FHIT: variants seen among roughly 807,000 people sequenced by gnomAD.
FHIT encodes the protein fragile histidine triad diadenosine triphosphatase, also known as bis(5'-adenosyl)-triphosphatase.
A neutral mutation model predicts 17.9 loss-of-function variants in FHIT; 19 were observed. That is an observed-to-expected ratio of 1.06 (90% CI 0.74 to 1.56). The LOEUF is 1.56. Ranked by LOEUF, FHIT falls within the 40% of genes most tolerant of loss-of-function variation. The pLI is 0.00. For synonymous variants in FHIT, 81 were observed against 69.7 expected (o/e 1.16, Z -0.81); for missense variants, 248 against 189.2 (o/e 1.31, Z -1.82).
intron 2 of FHIT, among the ~76,000 whole-genome samples, chr3:61,187,079 C>T (rs558090848): frequency 6.6e-6 from 1 of 152,332 alleles, no homozygotes; most frequent in South Asian, 2.1e-4. Flanking sequence ...TCACACAGCA[C>T]ATTCCTAGCA....
chr3:60,761,360 C>G (rs1553719847), intron 4 of FHIT, among the ~76,000 whole-genome samples: 2 of 152,154 alleles, frequency 1.3e-5, no homozygotes, highest in East Asian at 3.9e-4. Flanking sequence ...GAGAGAGCAA[C>G]AGATAAAAAA....
chr3:60,533,798 G>A (rs1334839084), intron 5 of FHIT, among the ~76,000 whole-genome samples: 1 of 152,134 alleles, frequency 6.6e-6, no homozygotes, highest in Non-Finnish European at 1.5e-5. Context: ...ACTATTCTAA[G>A]GAATTTGGAC....
At chr3:60,569,643 C>A (rs1480673227) in intron 4 of FHIT, among the ~76,000 whole-genome samples, 1 of 150,104 alleles carries the variant, frequency 6.7e-6, no homozygotes. Flanking sequence ...CCCTCCCCTA[C>A]ATCTCAGTTT....
chr3:60,743,197 A>G (rs1289967417), intron 4 of FHIT, among the ~76,000 whole-genome samples: 4 of 152,192 alleles, frequency 2.6e-5, no homozygotes, highest in Non-Finnish European at 4.4e-5. Context: ...TGCTTTCTCT[A>G]TTTGCAAAGT....
intron 2 of FHIT, among the ~76,000 whole-genome samples, chr3:61,080,456 C>T (rs1013371811): frequency 2.6e-5 from 4 of 151,018 alleles, no homozygotes; most frequent in Admixed American, 6.6e-5. Context: ...AGAGATGAAA[C>T]GGAACTGAAA....
chr3:60,569,732 T>TATATATATATATATAC (rs1553654690), intron 4 of FHIT, among the ~76,000 whole-genome samples: 9 of 31,730 alleles, frequency 2.8e-4, no homozygotes, highest in East Asian at 1.4e-3. Context: ...ATACTATATA[T>TATATATATATATATAC]ATATATATAT....
At chr3:60,470,822 C>T (rs1419113393) in intron 5 of FHIT, among the ~76,000 whole-genome samples, 1 of 152,174 alleles carries the variant, frequency 6.6e-6, no homozygotes, top group East Asian at 1.9e-4. Context: ...GTGCTGTTCA[C>T]AACTGAAGCC....
At chr3:60,229,238 G>A (rs1424574267) in intron 5 of FHIT, among the ~76,000 whole-genome samples, 2 of 151,980 alleles carry the variant, frequency 1.3e-5, no homozygotes, top group Non-Finnish European at 2.9e-5. Context: ...GCAACATGGT[G>A]AAACCCTGCC....
chr3:61,131,509 A>C (rs2036763152), intron 2 of FHIT, among the ~76,000 whole-genome samples: 1 of 152,236 alleles, frequency 6.6e-6, no homozygotes, highest in African/African-American at 2.4e-5. Context: ...TTGTATCATT[A>C]AACATTCTTC....
intron 5 of FHIT, among the ~76,000 whole-genome samples, chr3:60,152,611 C>A (rs1209493596): frequency 2.0e-5 from 3 of 152,038 alleles, no homozygotes; most frequent in South Asian, 2.1e-4. Flanking sequence ...TGCTCTGAAC[C>A]CCAAAATAAC....
chr3:60,265,619 A>G (rs1394158771), intron 5 of FHIT, among the ~76,000 whole-genome samples: 1 of 152,048 alleles, frequency 6.6e-6, no homozygotes, highest in East Asian at 1.9e-4. Flanking sequence ...GAAGGACATC[A>G]TTAATAAAGT....
At chr3:59,752,071 C>T (rs1270578465) in intron 9 of FHIT, 150 bp downstream of exon 9, 1 of 553,510 alleles carries the variant, frequency 1.8e-6, no homozygotes, top group Non-Finnish European at 3.2e-6. Context: ...ACTCAAGGGC[C>T]AGGGTTTTCT....
intron 3 of FHIT, among the ~76,000 whole-genome samples, chr3:60,844,283 G>C (rs868960606): frequency 6.6e-6 from 1 of 151,982 alleles, no homozygotes; most frequent in African/African-American, 2.4e-5. Flanking sequence ...CCAGAAACAA[G>C]AAATAAATCA....
intron 3 of FHIT, among the ~76,000 whole-genome samples, chr3:60,943,632 C>T (rs1575730040): frequency 6.6e-6 from 1 of 152,162 alleles, no homozygotes; most frequent in East Asian, 1.9e-4. Flanking sequence ...ATTATTTGGC[C>T]TCATTTCAAC....
chr3:59,883,874 A>G (rs1157436034), intron 8 of FHIT, among the ~76,000 whole-genome samples: 2 of 152,234 alleles, frequency 1.3e-5, no homozygotes, highest in Non-Finnish European at 2.9e-5. Flanking sequence ...TAGCTGTTAC[A>G]TGGTGAATAG....
intron 2 of FHIT, among the ~76,000 whole-genome samples, chr3:61,071,690 T>TA (rs1437109175): frequency 6.6e-6 from 1 of 152,028 alleles, no homozygotes; most frequent in Non-Finnish European, 1.5e-5. Flanking sequence ...ATAATAAGTA[T>TA]TTCCATATAT....
chr3:60,632,376 A>C (rs1239985156), intron 4 of FHIT, among the ~76,000 whole-genome samples: 1 of 152,140 alleles, frequency 6.6e-6, no homozygotes, highest in African/African-American at 2.4e-5. Flanking sequence ...CTTCCGAACA[A>C]CTATCTTAGC....
At chr3:60,077,724 A>T (rs1237717644) in intron 5 of FHIT, among the ~76,000 whole-genome samples, 6 of 92,724 alleles carry the variant, frequency 6.5e-5, no homozygotes, top group Admixed American at 2.9e-4. Context: ...ACACACACAC[A>T]CACACATATA....
At chr3:59,916,180 T>C (rs531708614) in intron 8 of FHIT, among the ~76,000 whole-genome samples, 1 of 152,228 alleles carries the variant, frequency 6.6e-6, no homozygotes, top group Admixed American at 6.5e-5. Flanking sequence ...AGGCAGAAAG[T>C]GGAAAGAGCT....
Sources: allele counts gnomAD v4.1 joint callset (sites outside exome capture counted in the v4.1 genomes callset), GRCh38; gene constraint gnomAD v4.1.1; transcripts MANE v1.5; gene names NCBI Gene and HGNC (gene_info 2026-07-23, HGNC 2026-07-21).